CXADR: variants seen among roughly 807,000 people sequenced by gnomAD.
CXADR encodes CXADR cell adhesion molecule.
A neutral mutation model predicts 40.3 loss-of-function variants in CXADR; 20 were observed. The ratio of observed to expected loss-of-function variants is 0.50; its 90% CI spans 0.35 to 0.72. The LOEUF (loss-of-function observed/expected upper bound fraction) is 0.72, where lower values mean the gene tolerates loss of function less well. Ranked by LOEUF, CXADR falls within the 30% of genes least tolerant of loss-of-function variation. CXADR has a pLI of 0.01. For missense variants in CXADR, 332 were observed against 449.1 expected (o/e 0.74, Z 2.36); for synonymous variants, 150 against 161.3 (o/e 0.93, Z 0.53).
downstream of CXADR, among the ~76,000 whole-genome samples, chr21:17,572,570 C>T (rs185378546): frequency 7.8e-3 from 1,182 of 152,186 alleles, 8 homozygotes; most frequent in Middle Eastern, 0.017. Context: ...TACGGATTCC[C>T]GCTGAATAGG....
chr21:17,582,973 A>C (rs1029540785), intron 7 of CXADR, among the ~76,000 whole-genome samples: 3 of 152,216 alleles, frequency 2.0e-5, no homozygotes. Context: ...TTTTGGGAAC[A>C]GGAGAATGAC....
At position 17,530,210 on chromosome 21, in the gene CXADR, C is replaced by T. The variant is rs142657306; in HGVS notation, c.44-16817C>T. On this transcript the variant is annotated intron_variant, in intron 1 of 6. Transcript: ENST00000284878. ...CTCTTGACCTCAAGTGATCAATCAC[C>T]CACCTCGGCCTCCCAAAGTGCTGGG... Among the ~76,000 whole-genome samples, 709 of 149,190 alleles carry T rather than the reference C, an allele frequency of 4.8e-3. 5 individuals carry two copies. The highest frequency in any genetic ancestry group is 0.016 in the African/African-American group (664 of 41,038).
At chr21:17,593,568 T>A (rs1441313355) in exon 8 of CXADR, 1 of 167,142 alleles carries the variant, frequency 6.0e-6, no homozygotes, top group African/African-American at 2.4e-5. Flanking sequence ...ACGTTCTGTT[T>A]AATGTTTTTG....
chr21:17,594,227 CAGG>C (rs767142948), downstream of CXADR: 4 of 1,613,318 alleles, frequency 2.5e-6, no homozygotes, highest in East Asian at 2.2e-5. Flanking sequence ...CCAAATGGAA[CAGG>C]AGGAGGATAG....
the CXADR span, among the ~76,000 whole-genome samples, chr21:17,610,407 A>G: frequency 6.6e-6 from 1 of 152,252 alleles, no homozygotes; most frequent in Non-Finnish European, 1.5e-5. Flanking sequence ...AGAGAGATAC[A>G]TTTATCCACA....
exon 8 of CXADR, chr21:17,593,509 G>C (rs183502359): frequency 5.1e-6 from 1 of 196,748 alleles, no homozygotes; most frequent in Admixed American, 6.0e-5. Flanking sequence ...GGTCTTTTAG[G>C]AAAAGTATGG....
chr21:17,552,341 T>C (rs565146584), intron 3 of CXADR, among the ~76,000 whole-genome samples: 143 of 152,322 alleles, frequency 9.4e-4, no homozygotes, highest in African/African-American at 3.1e-3. Flanking sequence ...TGAAGAAATA[T>C]GGAAGAAGGA....
At chr21:17,623,204 G>A in the CXADR span, among the ~76,000 whole-genome samples, 1 of 152,068 alleles carries the variant, frequency 6.6e-6, no homozygotes, top group Non-Finnish European at 1.5e-5. Context: ...GCCTCTCAAA[G>A]TACTGAGATT....
chr21:17,528,494 C>T (rs1484862735), intron 1 of CXADR, among the ~76,000 whole-genome samples: 1 of 151,984 alleles, frequency 6.6e-6, no homozygotes, highest in Non-Finnish European at 1.5e-5. Context: ...TAACCTCCAC[C>T]TCCCGGGTTC....
rs146407493 is a variant in CXADR, at chr21:17,582,429, C to T, written c.1018-10723C>T. 5.0e-3 allele frequency among the ~76,000 whole-genome samples: 752 copies of T among 151,078 alleles called. 3 individuals are homozygous for T. Among genetic ancestry groups the T allele is most frequent in the Middle Eastern group, 0.01 (3 of 294 alleles). The stretch of plus-strand genomic sequence containing the variant: ...TTATGGCTATGTAATCTTAATCCTT[C>T]CTAAGTCCCACAGAGAAGCCATTTC... On this transcript the variant is annotated intron_variant, in intron 7 of 7. Transcript: ENST00000400169.
intron 1 of CXADR, among the ~76,000 whole-genome samples, chr21:17,524,880 G>A (rs1237392623): frequency 1.3e-5 from 2 of 152,162 alleles, no homozygotes; most frequent in Non-Finnish European, 2.9e-5. Context: ...CCGCACTCCA[G>A]CCTGGGCGAC....
At chr21:17,556,540 C>A (rs1443132734) in intron 3 of CXADR, among the ~76,000 whole-genome samples, 1 of 152,170 alleles carries the variant, frequency 6.6e-6, no homozygotes, top group Non-Finnish European at 1.5e-5. Flanking sequence ...ATGCACAAAG[C>A]ATTGCATCAG....
chr21:17,588,534 TTGTC>T (rs1395735709), intron 7 of CXADR, among the ~76,000 whole-genome samples: 1 of 152,142 alleles, frequency 6.6e-6, no homozygotes, highest in Non-Finnish European at 1.5e-5. Flanking sequence ...GGCTCTCTGT[TTGTC>T]TGTTATTGGT....
At position 17,565,706 on chromosome 21, in the gene CXADR, C is replaced by G. The variant is rs2061198585; in HGVS notation, c.*14C>G. 21 of 1,605,074 alleles carry G rather than the reference C, an allele frequency of 1.3e-5. No homozygotes were observed. The highest frequency in any genetic ancestry group is 1.6e-5 in the Non-Finnish European group (19 of 1,175,194). On this transcript the variant is annotated 3_prime_UTR_variant, in exon 7 of 7. Coordinates refer to ENST00000284878, the MANE Select transcript of CXADR (RefSeq NM_001338.5). ...TCTATAGTATAGAGCCTCCATATGT[C>G]TCATCTGTGCTCTCCGTGTTCCTTT...
chr21:17,524,905 T>C (rs1434253600), intron 1 of CXADR, among the ~76,000 whole-genome samples: 1 of 152,132 alleles, frequency 6.6e-6, no homozygotes, highest in Non-Finnish European at 1.5e-5. Context: ...TGAAACCCTG[T>C]GTCCAAAAAA....
chr21:17,535,733 A>G (rs1391721768), intron 1 of CXADR, among the ~76,000 whole-genome samples: 1 of 152,210 alleles, frequency 6.6e-6, no homozygotes, highest in African/African-American at 2.4e-5. Context: ...TTGGCTGGGC[A>G]CGTTGGCTTA....
the CXADR span, chr21:17,604,120 C>G: frequency 2.3e-6 from 3 of 1,280,594 alleles, no homozygotes; most frequent in South Asian, 1.3e-5. Context: ...AAAATAAAAC[C>G]ACGAAGTATC....
intron 1 of CXADR, among the ~76,000 whole-genome samples, chr21:17,529,476 A>G (rs1453065507): frequency 2.0e-5 from 3 of 151,900 alleles, no homozygotes; most frequent in Non-Finnish European, 1.5e-5. Flanking sequence ...ATGTGCCACC[A>G]CGCCCTGCTA....
chr21:17,559,979 T>C (rs1451100390), intron 4 of CXADR, among the ~76,000 whole-genome samples: 1 of 152,126 alleles, frequency 6.6e-6, no homozygotes, highest in Non-Finnish European at 1.5e-5. Context: ...GAATTTTTTT[T>C]TTTTAATTGA....
Sources: gnomAD v4.1 joint callset for allele counts (sites outside exome capture counted in the v4.1 genomes callset) on GRCh38, gnomAD v4.1.1 for gene constraint, MANE v1.5 for transcripts, NCBI Gene and HGNC (gene_info 2026-07-23, HGNC 2026-07-21) for gene names.